The following C3orf49 variants were observed in gnomAD, a reference collection of about 807,000 sequenced individuals.
C3orf49 encodes the protein putative uncharacterized protein C3orf49.
A neutral mutation model predicts 13.3 loss-of-function variants in C3orf49; 27 were observed. That is an observed-to-expected ratio of 2.02 (90% CI 1.49 to 2.79). C3orf49 has a LOEUF of 2.79. Ranked by LOEUF, C3orf49 falls within the 30% of genes most tolerant of loss-of-function variation. C3orf49 has a pLI of 0.00. For missense variants in C3orf49, 242 were observed against 134.2 expected (o/e 1.80, Z -3.97); for synonymous variants, 87 against 47.6 (o/e 1.83, Z -3.40).
the C3orf49 span, among the ~76,000 whole-genome samples, chr3:63,802,462 G>A: frequency 3.9e-5 from 6 of 152,138 alleles, no homozygotes; most frequent in South Asian, 2.1e-4. Context: ...AACTCATTTC[G>A]TTTAGCCTTT....
chr3:63,827,808 A>C, intron 3 of C3orf49, 83 bp downstream of exon 3: 1 of 654,770 alleles, frequency 1.5e-6, no homozygotes. Context: ...GTTCTGTCCT[A>C]CCATGAGTCC....
At chr3:63,781,321 A>G in the C3orf49 span, among the ~76,000 whole-genome samples, 1 of 151,794 alleles carries the variant, frequency 6.6e-6, no homozygotes, top group African/African-American at 2.4e-5. Flanking sequence ...ATTATGTCTG[A>G]GGGCTCTGTT....
At chr3:63,815,430 A>G (rs1211886459), upstream of C3orf49, among the ~76,000 whole-genome samples, 2 of 152,066 alleles carry the variant, frequency 1.3e-5, no homozygotes, top group Non-Finnish European at 2.9e-5. Context: ...TTCCTCTCCA[A>G]TGTATTCTCC....
intron 6 of C3orf49, among the ~76,000 whole-genome samples, chr3:63,846,785 C>G (rs1317274830): frequency 6.6e-6 from 1 of 152,032 alleles, no homozygotes; most frequent in African/African-American, 2.4e-5. Context: ...CTAGGGAGCC[C>G]CACATGGATG....
the C3orf49 span, among the ~76,000 whole-genome samples, chr3:63,793,729 T>C: frequency 6.6e-6 from 1 of 152,216 alleles, no homozygotes; most frequent in African/African-American, 2.4e-5. Context: ...AGGCAGCATC[T>C]GATATACCAA....
chr3:63,811,540 A>G, the C3orf49 span, among the ~76,000 whole-genome samples: 82 of 151,108 alleles, frequency 5.4e-4, no homozygotes, highest in Non-Finnish European at 8.4e-4. Context: ...CCTGGGTGAC[A>G]GAGCAAGGCT....
intron 5 of C3orf49, chr3:63,835,430 G>A (rs775966024): frequency 5.0e-6 from 8 of 1,586,626 alleles, no homozygotes; most frequent in African/African-American, 1.3e-5. Flanking sequence ...GCTGAATGGG[G>A]GAGAAGAGTT....
At chr3:63,842,502 G>A (rs1264223483) in intron 5 of C3orf49, among the ~76,000 whole-genome samples, 1 of 152,160 alleles carries the variant, frequency 6.6e-6, no homozygotes, top group Admixed American at 6.5e-5. Context: ...TATACACCAT[G>A]GAATACTACT....
intron 1 of C3orf49, 68 bp from the exon 2 acceptor site, chr3:63,823,182 T>C: frequency 1.7e-6 from 1 of 602,512 alleles, no homozygotes; most frequent in African/African-American, 1.8e-5. Flanking sequence ...GTTTGTGTTT[T>C]AATGATTTAA....
chr3:63,788,328 A>G, the C3orf49 span, among the ~76,000 whole-genome samples: 2 of 152,262 alleles, frequency 1.3e-5, no homozygotes, highest in African/African-American at 4.8e-5. Flanking sequence ...TTCTGACTCC[A>G]GAGCCATTAT....
chr3:63,796,952 T>C, the C3orf49 span, among the ~76,000 whole-genome samples: 1 of 152,184 alleles, frequency 6.6e-6, no homozygotes, highest in South Asian at 2.1e-4. Context: ...TTTTTGTTTG[T>C]CTGAGAAAGT....
intron 6 of C3orf49, among the ~76,000 whole-genome samples, chr3:63,846,634 C>T (rs1481957490): frequency 6.6e-6 from 1 of 152,112 alleles, no homozygotes; most frequent in Non-Finnish European, 1.5e-5. Flanking sequence ...GGTTCTCAAA[C>T]TCCTGACCTC....
chr3:63,823,349 GC>G lies in C3orf49; in HGVS notation c.226del (p.Gln76LysfsTer7), dbSNP rs1440546428. On this transcript the variant is annotated frameshift_variant, in exon 2 of 7. Coordinates refer to ENST00000295896, the MANE Select transcript of C3orf49 (RefSeq NM_001355236.2). LOFTEE classifies it high-confidence loss of function. ...DSDMGFHESQ[Q>X]NQKSNLKTKV... ...GTGACATGGGATTTCATGAAAGCCA[GC>G]AAAATCAGAAAAGTAATTTGAAGAC... 1.4e-6 allele frequency: 1 copy of G among 703,214 alleles called. No individual in the cohort carries two copies. Among genetic ancestry groups the G allele is most frequent in the Non-Finnish European group, 2.6e-6 (1 of 385,060 alleles). The allele number at this position is 703,214 out of a possible 1,614,324, so 43.6% of individuals were successfully genotyped here.
chr3:63,788,705 C>T, the C3orf49 span, among the ~76,000 whole-genome samples: 1 of 151,146 alleles, frequency 6.6e-6, no homozygotes, highest in Non-Finnish European at 1.5e-5. Context: ...GAGGAAGATC[C>T]TATTATTAAC....
the C3orf49 span, among the ~76,000 whole-genome samples, chr3:63,806,560 G>T: frequency 1.3e-5 from 2 of 152,178 alleles, no homozygotes; most frequent in South Asian, 4.1e-4. Context: ...GTTTAGAAAG[G>T]TCTTCTGCCT....
the C3orf49 span, among the ~76,000 whole-genome samples, chr3:63,813,304 C>T: frequency 1.3e-5 from 2 of 152,194 alleles, no homozygotes; most frequent in African/African-American, 4.8e-5. Context: ...ATTTCAGATG[C>T]TGGCAGGTAT....
At chr3:63,829,001 GCTACGT>G (rs1701499732) in intron 3 of C3orf49, among the ~76,000 whole-genome samples, 3 of 152,178 alleles carry the variant, frequency 2.0e-5, no homozygotes, top group Admixed American at 6.5e-5. Flanking sequence ...AGTTGCACTA[GCTACGT>G]TTCAAATGGC....
chr3:63,792,857 T>C, the C3orf49 span, among the ~76,000 whole-genome samples: 2 of 152,220 alleles, frequency 1.3e-5, no homozygotes, highest in African/African-American at 4.8e-5. Flanking sequence ...TTTTAATAAA[T>C]ATGAGAAAAG....
At chr3:63,825,349 G>C (rs113934193) in intron 2 of C3orf49, among the ~76,000 whole-genome samples, 1 of 151,866 alleles carries the variant, frequency 6.6e-6, no homozygotes, top group African/African-American at 2.4e-5. Flanking sequence ...GTTTCCAGCC[G>C]ACTACTTTCA....
Sources: gnomAD v4.1 joint callset for allele counts (sites outside exome capture counted in the v4.1 genomes callset) on GRCh38, gnomAD v4.1.1 for gene constraint, MANE v1.5 for transcripts, NCBI Gene and HGNC (gene_info 2026-07-23, HGNC 2026-07-21) for gene names.